Variants in TWSG1 observed in about 807,000 individuals in gnomAD.
TWSG1 encodes twisted gastrulation BMP signaling modulator 1.
TWSG1 carries 15 observed loss-of-function variants against 23.0 expected under a neutral mutation model. That is an observed-to-expected ratio of 0.65 (90% CI 0.44 to 1.00). TWSG1 has a LOEUF of 1.00. Among genes scored for constraint, TWSG1 ranks in the 50% least tolerant of loss-of-function variants. TWSG1 has a pLI of 0.00. For missense variants in TWSG1, 242 were observed against 278.7 expected, an observed-to-expected ratio of 0.87 and a Z score of 0.94; for synonymous variants, 86 against 92.8, an observed-to-expected ratio of 0.93 and a Z score of 0.42.
chr18:9,367,562 C>A (rs897836270), intron 3 of TWSG1, among the ~76,000 whole-genome samples: 1 of 152,166 alleles, frequency 6.6e-6, no homozygotes, highest in Non-Finnish European at 1.5e-5. Flanking sequence ...CTCTTAGGAA[C>A]CGGGCCACAT....
intron 3 of TWSG1, among the ~76,000 whole-genome samples, chr18:9,385,582 G>A (rs202001162): frequency 3.2e-5 from 3 of 92,804 alleles, no homozygotes; most frequent in Non-Finnish European, 6.5e-5. Flanking sequence ...CCAGCTACTC[G>A]GGAGGCTGAG....
chr18:9,396,201 G>A, intron 3 of TWSG1, 79 bp from the exon 4 acceptor site: 5 of 895,674 alleles, frequency 5.6e-6, no homozygotes, highest in Admixed American at 2.7e-5. Context: ...AATCCTAGAA[G>A]TTACATAATT....
chr18:9,396,395 G>C lies in TWSG1; in HGVS notation c.339G>C (p.Gln113His), dbSNP rs1238882327. ...LFRALTEGDTQLNWNIVSFPV... is the reference protein window; with the variant it reads ...LFRALTEGDTHLNWNIVSFPV... The stretch of plus-strand genomic sequence containing the variant: ...GGGCACTCACAGAAGGAGATACTCA[G>C]TTGAATTGGAACATCGTTTCTTTCC... The change falls in exon 4 of 5, where the codon CAG becomes CAC. Residue 113 changes from glutamine to histidine, a missense_variant. By Grantham distance (24) the Gln-to-His change is conservative. Coordinates refer to ENST00000262120, the MANE Select transcript of TWSG1 (RefSeq NM_020648.6). 4 of 1,614,148 alleles carry C rather than the reference G, an allele frequency of 2.5e-6. No homozygotes were observed. In the South Asian group the frequency reaches 3.3e-5, roughly 13 times the overall value.
At chr18:9,381,747 T>G (rs2040657242) in intron 3 of TWSG1, among the ~76,000 whole-genome samples, 1 of 152,196 alleles carries the variant, frequency 6.6e-6, no homozygotes, top group Non-Finnish European at 1.5e-5. Flanking sequence ...TCCCTCAAGT[T>G]GTTTATCATA....
intron 3 of TWSG1, among the ~76,000 whole-genome samples, chr18:9,381,186 T>C (rs555029470): frequency 6.6e-6 from 1 of 152,252 alleles, no homozygotes; most frequent in East Asian, 1.9e-4. Flanking sequence ...GATCAGATGC[T>C]GTGAATCCCA....
intron 3 of TWSG1, among the ~76,000 whole-genome samples, chr18:9,373,149 C>T (rs2040613436): frequency 1.3e-5 from 2 of 152,114 alleles, no homozygotes; most frequent in Non-Finnish European, 2.9e-5. Context: ...GGAAAGTTAT[C>T]AGAGATAAAG....
At chr18:9,337,373 A>G in intron 2 of TWSG1, 21 bp downstream of exon 2, 1 of 1,609,356 alleles carries the variant, frequency 6.2e-7, no homozygotes, top group South Asian at 1.1e-5. Context: ...GAGTACTTTT[A>G]TTAATATCAA....
At position 9,399,611 on chromosome 18, in the gene TWSG1, T is replaced by G; in HGVS notation, c.*84T>G. ...GTAAGTCTGTTGGTTGTATCTTGTA[T>G]CAGAATCCCAGTAAGTTAAGTTGTA... On this transcript the variant is annotated 3_prime_UTR_variant, in exon 5 of 5. Transcript: ENST00000262120. 8.1e-7 allele frequency: 1 copy of G among 1,230,146 alleles called. No homozygotes were observed. The highest frequency in any genetic ancestry group is 1.1e-6 in the Non-Finnish European group (1 of 908,360). The allele number at this position is 1,230,146 out of a possible 1,614,324, so 76.2% of individuals were successfully genotyped here.
At chr18:9,374,653 AG>A (rs1471609057) in intron 3 of TWSG1, among the ~76,000 whole-genome samples, 1 of 152,248 alleles carries the variant, frequency 6.6e-6, no homozygotes, top group Non-Finnish European at 1.5e-5. Context: ...AGAAGCAGAG[AG>A]AATTCTTCCC....
At chr18:9,343,641 C>T (rs2040458121) in intron 2 of TWSG1, among the ~76,000 whole-genome samples, 1 of 152,038 alleles carries the variant, frequency 6.6e-6, no homozygotes, top group Non-Finnish European at 1.5e-5. Flanking sequence ...TTGTTCTGGA[C>T]ATTTAATATG....
At chr18:9,396,147 C>CAAAAAAAAAAAAAAAAAAA (rs58754446) in intron 3 of TWSG1, 133 bp from the exon 4 acceptor site, 1 of 387,672 alleles carries the variant, frequency 2.6e-6, no homozygotes, top group African/African-American at 3.1e-5. Flanking sequence ...GCTCACCCAG[C>CAAAAAAAAAAAAAAAAAAA]AAAAAAAAAA....
intron 3 of TWSG1, among the ~76,000 whole-genome samples, chr18:9,375,916 T>C (rs1310204851): frequency 6.7e-6 from 1 of 149,686 alleles, no homozygotes; most frequent in Non-Finnish European, 1.5e-5. Context: ...CCTTCATCTA[T>C]AGACTTTTTT....
At chr18:9,344,375 A>G (rs1169244086) in intron 2 of TWSG1, among the ~76,000 whole-genome samples, 8 of 152,104 alleles carry the variant, frequency 5.3e-5, no homozygotes, top group African/African-American at 1.9e-4. Context: ...GTTTCCCTAT[A>G]GCCTCACCAA....
chr18:9,401,037 T>C lies in TWSG1; in HGVS notation c.*1510T>C, dbSNP rs971279168. 1 of 152,222 alleles carries C rather than the reference T, an allele frequency of 6.6e-6. No individual in the cohort carries two copies. Among genetic ancestry groups the C allele is most frequent in the African/African-American group, 2.4e-5 (1 of 41,464 alleles). The allele number at this position is 152,222 out of a possible 1,614,324, so 9.4% of individuals were successfully genotyped here. ...ATCTGAATAGTAGTTAGTTAAAAGA[T>C]CATTTGTAATATTATGATCAACTGT... On this transcript the variant is annotated 3_prime_UTR_variant, in exon 5 of 5. Coordinates refer to ENST00000262120, the MANE Select transcript of TWSG1 (RefSeq NM_020648.6).
chr18:9,353,337 C>G (rs1489786248), intron 2 of TWSG1, among the ~76,000 whole-genome samples: 1 of 152,194 alleles, frequency 6.6e-6, no homozygotes, highest in Non-Finnish European at 1.5e-5. Context: ...TTGAAATTCT[C>G]TGTCATATTG....
chr18:9,369,222 T>G (rs1469033548), intron 3 of TWSG1, among the ~76,000 whole-genome samples: 1 of 152,206 alleles, frequency 6.6e-6, no homozygotes, highest in African/African-American at 2.4e-5. Context: ...ACAGCATATA[T>G]CTGTTAGCCA....
At chr18:9,358,481 G>C (rs1451707762) in intron 2 of TWSG1, among the ~76,000 whole-genome samples, 1 of 152,098 alleles carries the variant, frequency 6.6e-6, no homozygotes, top group Admixed American at 6.6e-5. Flanking sequence ...AGACAGACAG[G>C]GTGGGAATCA....
intron 2 of TWSG1, among the ~76,000 whole-genome samples, chr18:9,337,961 GGCCT>G (rs918502428): frequency 1.3e-5 from 2 of 152,172 alleles, no homozygotes; most frequent in Non-Finnish European, 1.5e-5. Flanking sequence ...CATCAAGGCA[GGCCT>G]CTTAATGTAG....
intron 3 of TWSG1, among the ~76,000 whole-genome samples, chr18:9,360,895 AC>A (rs1408516367): frequency 6.6e-6 from 1 of 152,192 alleles, no homozygotes; most frequent in Non-Finnish European, 1.5e-5. Flanking sequence ...CTGAATAATA[AC>A]CCTATACTAC....
Sources: allele counts gnomAD v4.1 joint callset (sites outside exome capture counted in the v4.1 genomes callset), GRCh38; gene constraint gnomAD v4.1.1; transcripts MANE v1.5; gene names NCBI Gene and HGNC (gene_info 2026-07-23, HGNC 2026-07-21).